Variants in DNAH10 observed in about 807,000 individuals in gnomAD.
DNAH10 encodes the protein dynein axonemal heavy chain 10.
DNAH10 carries 348 observed loss-of-function variants against 506.6 expected under a neutral mutation model. That is an observed-to-expected ratio of 0.69 (90% confidence interval 0.63 to 0.75). DNAH10 has a LOEUF of 0.75. Ranked by LOEUF, DNAH10 falls within the 30% of genes least tolerant of loss-of-function variation. The pLI is 0.00. For synonymous variants in DNAH10, 2,059 were observed against 2,198.6 expected, an observed-to-expected ratio of 0.94 and a Z score of 1.78; for missense variants, 5,179 against 5,787.1, an observed-to-expected ratio of 0.89 and a Z score of 3.41.
At position 123,833,222 on chromosome 12, in the gene DNAH10, AT is replaced by A; in HGVS notation, c.4656del (p.Gln1553SerfsTer35). On this transcript the variant is annotated frameshift_variant, in exon 27 of 79. Transcript: ENST00000673944. LOFTEE classifies it high-confidence loss of function. ...CATCCTGGGTTCTGTTGACGAAATT[AT>A]TCAGTCTCTTGATGACAACACTTTC... Reference protein sequence around the residue: ...GYILGSVDEIIQSLDDNTFNL... With the variant: ...GYILGSVDEIXQSLDDNTFNL... 1 of 1,613,940 alleles carries A rather than the reference AT, an allele frequency of 6.2e-7. No individual in the cohort carries two copies. Among genetic ancestry groups the A allele is most frequent in the Non-Finnish European group, 8.5e-7 (1 of 1,179,876 alleles).
chr12:123,807,983 G>GGGGAGGGAGAGAGTGA (rs1958771064), intron 18 of DNAH10, among the ~76,000 whole-genome samples: 1 of 151,612 alleles, frequency 6.6e-6, no homozygotes, highest in Non-Finnish European at 1.5e-5. Context: ...GGAGTGAGAG[G>GGGGAGGGAGAGAGTGA]GAGAGGGAGA....
chr12:123,767,298 G>A (rs995226816), intron 1 of DNAH10, among the ~76,000 whole-genome samples: 6 of 152,154 alleles, frequency 3.9e-5, no homozygotes, highest in Admixed American at 1.3e-4. Context: ...TGTTAAATAC[G>A]TTCATAGTGT....
chr12:123,791,997 C>T (rs982083514), intron 11 of DNAH10, among the ~76,000 whole-genome samples: 1 of 152,110 alleles, frequency 6.6e-6, no homozygotes, highest in Admixed American at 6.5e-5. Flanking sequence ...AAGAACAAGC[C>T]GATGTGGTTA....
At chr12:123,832,491 A>G (rs1450235235) in intron 26 of DNAH10, among the ~76,000 whole-genome samples, 1 of 152,124 alleles carries the variant, frequency 6.6e-6, no homozygotes, top group Non-Finnish European at 1.5e-5. Context: ...ATGTATACAC[A>G]TATACATATG....
At chr12:123,806,772 T>G (rs1324363460) in intron 18 of DNAH10, among the ~76,000 whole-genome samples, 2 of 151,336 alleles carry the variant, frequency 1.3e-5, no homozygotes, top group Non-Finnish European at 3.0e-5. Flanking sequence ...TGCTATGTTT[T>G]TTTTTTTTTT....
chr12:123,900,746 A>C (rs898505180), intron 56 of DNAH10, among the ~76,000 whole-genome samples: 1 of 152,176 alleles, frequency 6.6e-6, no homozygotes, highest in African/African-American at 2.4e-5. Flanking sequence ...CAAATGTATC[A>C]GTGGGAATCT....
intron 19 of DNAH10, among the ~76,000 whole-genome samples, chr12:123,811,416 G>A (rs1255912638): frequency 6.6e-6 from 1 of 151,818 alleles, no homozygotes; most frequent in Admixed American, 6.6e-5. Flanking sequence ...TCCACCTCCC[G>A]GGTGTGAGTG....
At chr12:123,769,215 G>A (rs1320910769) in intron 2 of DNAH10, among the ~76,000 whole-genome samples, 3 of 150,776 alleles carry the variant, frequency 2.0e-5, no homozygotes, top group African/African-American at 7.4e-5. Flanking sequence ...GTGCGATCTC[G>A]GCTTGCTGCA....
At position 123,928,720 on chromosome 12, in the gene DNAH10, A is replaced by G; in HGVS notation, c.12306+133A>G. ...GGCTGCAGGTGAAACCTTGCGGTTG[A>G]AACCCTTCTCAATCCCACCTCTCTC... On this transcript the variant is annotated intron_variant, in intron 70 of 78. Coordinates refer to ENST00000673944, the MANE Select transcript of DNAH10 (RefSeq NM_001372106.1). This position sits in a 1 kb window ranked among gnomAD's most constrained non-coding sequence, Gnocchi z 4.9. 1 of 1,065,650 alleles carries G rather than the reference A, an allele frequency of 9.4e-7. No individual in the cohort carries two copies. The highest frequency in any genetic ancestry group is 1.3e-6 in the Non-Finnish European group (1 of 757,780). 66.0% of individuals were successfully genotyped at this position (1,065,650 alleles called of 1,614,324 possible).
At chr12:123,910,346 C>T (rs535153316) in intron 58 of DNAH10, among the ~76,000 whole-genome samples, 190 bp from the exon 59 acceptor site, 2 of 152,302 alleles carry the variant, frequency 1.3e-5, no homozygotes, top group South Asian at 2.1e-4. Context: ...GTCCCTTGCC[C>T]ACATCTGAAA....
At chr12:123,889,642 G>A (rs939680345) in intron 52 of DNAH10, among the ~76,000 whole-genome samples, 2 of 152,158 alleles carry the variant, frequency 1.3e-5, no homozygotes, top group African/African-American at 4.8e-5. Flanking sequence ...GGGCAGACAG[G>A]GAAGGCGTCA....
In DNAH10 at chr12:123,879,752, G is replaced by A. The variant is rs376242111; in HGVS notation, c.8585G>A (p.Arg2862His). ...ATGGCTCTGCACGAAGGAGAACCACGCATTTATGAAGACATCCAGGACTAC... is the reference window on the plus strand; with the variant it reads ...ATGGCTCTGCACGAAGGAGAACCACACATTTATGAAGACATCCAGGACTAC... ...FQMALHEGEP[R>H]IYEDIQDYEA... is the part of the protein sequence containing the mutation. The change falls in exon 50 of 79, where the codon CGC (arginine) becomes CAC (histidine). Residue 2862 changes from arginine (R) to histidine (H), a missense_variant. Physicochemically the swap from Arg to His is conservative, Grantham distance 29. This residue lies in a region of DNAH10 where 4,844 missense variants were observed against 5,430.5 expected (regional missense o/e 0.89). Coordinates refer to ENST00000673944, the MANE Select transcript of DNAH10 (RefSeq NM_001372106.1). The A allele has an allele frequency of 5.3e-5, 85 of 1,614,032 alleles. No homozygotes were observed. Among genetic ancestry groups the A allele is most frequent in the South Asian group, 5.5e-5 (5 of 91,086 alleles).
intron 12 of DNAH10, among the ~76,000 whole-genome samples, chr12:123,795,997 T>C (rs1594046799): frequency 6.6e-6 from 1 of 152,116 alleles, no homozygotes; most frequent in Admixed American, 6.6e-5. Flanking sequence ...ATGTATACTT[T>C]ACCTGCAAAA....
intron 35 of DNAH10, among the ~76,000 whole-genome samples, chr12:123,852,485 C>T (rs1363654264): frequency 6.6e-6 from 1 of 152,148 alleles, no homozygotes; most frequent in Non-Finnish European, 1.5e-5. Flanking sequence ...GTTTTCACGA[C>T]TAAAATTGCC....
rs1429276501 is a variant in DNAH10, at chr12:123,783,995, AC to A, written c.1050del (p.Leu351Ter). On this transcript the variant is annotated frameshift_variant, in exon 8 of 79. Coordinates refer to ENST00000673944, the MANE Select transcript of DNAH10 (RefSeq NM_001372106.1). LOFTEE classifies it high-confidence loss of function. ...EIEFWRERNA[T>X]LSALHEQTKL... ...TGAATTCTGGAGGGAAAGAAATGCA[AC>A]CTTAAGTGCGCTGCATGAACAAACA... 1 of 1,614,094 alleles carries A rather than the reference AC, an allele frequency of 6.2e-7. No individual in the cohort carries two copies. The highest frequency in any genetic ancestry group is 1.3e-5 in the African/African-American group (1 of 74,926).
intron 19 of DNAH10, among the ~76,000 whole-genome samples, chr12:123,810,415 G>T (rs1238262016): frequency 6.6e-6 from 1 of 152,204 alleles, no homozygotes; most frequent in African/African-American, 2.4e-5. Flanking sequence ...AGGCGCGGTG[G>T]CTCACGCCTG....
intron 36 of DNAH10, among the ~76,000 whole-genome samples, chr12:123,854,924 G>A (rs1951327790): frequency 6.6e-6 from 1 of 152,232 alleles, no homozygotes; most frequent in Non-Finnish European, 1.5e-5. Context: ...AGCCCATGAA[G>A]TCAGCTGTAC....
intron 50 of DNAH10, among the ~76,000 whole-genome samples, chr12:123,880,408 C>T (rs60654678): frequency 0.033 from 5,097 of 152,238 alleles, 252 homozygotes; most frequent in African/African-American, 0.11. Context: ...GGTACGATCA[C>T]GGCTCTCTGC....
chr12:123,910,859 G>C (rs1023796421), intron 59 of DNAH10, among the ~76,000 whole-genome samples, 187 bp downstream of exon 59: 1 of 151,454 alleles, frequency 6.6e-6, no homozygotes, highest in East Asian at 1.9e-4. Flanking sequence ...TAGTGTGGGT[G>C]GTGGACAAGA....
Sources: allele counts gnomAD v4.1 joint callset (sites outside exome capture counted in the v4.1 genomes callset), GRCh38; gene constraint gnomAD v4.1.1; regional missense constraint gnomAD v4.1.1; non-coding constraint Gnocchi (gnomAD v3.1); transcripts MANE v1.5; gene names NCBI Gene and HGNC (gene_info 2026-07-23, HGNC 2026-07-21).